Variants in TANGO6 observed in about 807,000 individuals in gnomAD.
TANGO6 encodes transport and Golgi organization protein 6 homolog.
Under a neutral mutation model 114.2 loss-of-function variants are expected in TANGO6, and 90 were observed. That is an observed-to-expected ratio of 0.79 (90% CI 0.66 to 0.94). The LOEUF (loss-of-function observed/expected upper bound fraction) is 0.94, where lower values mean the gene tolerates loss of function less well. Among genes scored for constraint, TANGO6 ranks in the 40% least tolerant of loss-of-function variants. TANGO6 has a pLI of 0.00. For missense variants in TANGO6, 1,274 were observed against 1,315.3 expected, an observed-to-expected ratio of 0.97 and a Z score of 0.49; for synonymous variants, 477 against 509.8, an observed-to-expected ratio of 0.94 and a Z score of 0.87.
chr16:69,074,006 C>A (rs1032890147), intron 17 of TANGO6, among the ~76,000 whole-genome samples: 1 of 151,660 alleles, frequency 6.6e-6, no homozygotes, highest in Admixed American at 6.6e-5. Flanking sequence ...AGAGTCAGGC[C>A]CCCGACCTAG....
At chr16:68,983,904 G>A (rs2152215940) in intron 15 of TANGO6, among the ~76,000 whole-genome samples, 1 of 152,100 alleles carries the variant, frequency 6.6e-6, no homozygotes, top group Admixed American at 6.5e-5. Flanking sequence ...GTGTTGGCGG[G>A]TGCCTGTTGT....
intron 17 of TANGO6, among the ~76,000 whole-genome samples, chr16:69,069,558 A>G (rs1045893872): frequency 6.6e-6 from 1 of 152,104 alleles, no homozygotes; most frequent in Non-Finnish European, 1.5e-5. Flanking sequence ...CTGCCAGGAC[A>G]ATCTCCAGCC....
At chr16:69,025,873 G>T in intron 16 of TANGO6, 2 of 238,012 alleles carry the variant, frequency 8.4e-6, no homozygotes, top group South Asian at 7.4e-5. Flanking sequence ...CTTTCTAGTG[G>T]AACCAAAGCC....
At chr16:68,882,388 T>C (rs925177114) in intron 7 of TANGO6, among the ~76,000 whole-genome samples, 1 of 151,638 alleles carries the variant, frequency 6.6e-6, no homozygotes, top group Non-Finnish European at 1.5e-5. Context: ...TCCCAGCTAC[T>C]CGGGAGGCTG....
chr16:68,967,732 T>C (rs780672187), intron 14 of TANGO6, among the ~76,000 whole-genome samples: 3 of 152,156 alleles, frequency 2.0e-5, no homozygotes, highest in Non-Finnish European at 4.4e-5. Flanking sequence ...TTGCTGTGGG[T>C]ATTTTGGGAA....
At chr16:68,868,705 G>A (rs1406678393) in intron 4 of TANGO6, among the ~76,000 whole-genome samples, 4 of 152,034 alleles carry the variant, frequency 2.6e-5, no homozygotes, top group African/African-American at 7.2e-5. Context: ...CACTGTGTTA[G>A]TCAGGATGGT....
At chr16:68,918,941 T>A in intron 11 of TANGO6, 144 bp from the exon 12 acceptor site, 1 of 959,660 alleles carries the variant, frequency 1.0e-6, no homozygotes, top group Non-Finnish European at 1.5e-6. Context: ...ACATCACATC[T>A]GCATGGTAAG....
chr16:69,031,024 C>A (rs924035956), intron 16 of TANGO6, among the ~76,000 whole-genome samples: 1 of 151,956 alleles, frequency 6.6e-6, no homozygotes, highest in Non-Finnish European at 1.5e-5. Context: ...CCACTACACT[C>A]CAGCCTGGCA....
chr16:69,064,715 C>T (rs192492229), intron 17 of TANGO6, among the ~76,000 whole-genome samples: 16 of 152,248 alleles, frequency 1.1e-4, no homozygotes, highest in South Asian at 2.1e-4. Context: ...CCTCCTGTGC[C>T]CTAATTCATA....
chr16:69,028,467 C>T (rs1369626344), intron 16 of TANGO6, among the ~76,000 whole-genome samples: 3 of 151,368 alleles, frequency 2.0e-5, no homozygotes, highest in Non-Finnish European at 4.4e-5. Context: ...CCCTCTCTAC[C>T]AAAAATACAA....
chr16:69,063,178 G>A (rs570952352), intron 17 of TANGO6, among the ~76,000 whole-genome samples: 7 of 150,018 alleles, frequency 4.7e-5, no homozygotes, highest in East Asian at 4.0e-4. Flanking sequence ...AGCCAAGATC[G>A]CGCCATTACC....
At chr16:68,902,806 C>T (rs1305089379) in intron 9 of TANGO6, among the ~76,000 whole-genome samples, 1 of 152,142 alleles carries the variant, frequency 6.6e-6, no homozygotes, top group Non-Finnish European at 1.5e-5. Context: ...ACATGTTCAC[C>T]CTTAACACCA....
intron 14 of TANGO6, among the ~76,000 whole-genome samples, chr16:68,935,016 A>T (rs1017332667): frequency 1.3e-5 from 2 of 152,226 alleles, no homozygotes. Flanking sequence ...GATGATGGAC[A>T]AGTTTGGACT....
chr16:69,041,910 C>T (rs1959779755), intron 17 of TANGO6, among the ~76,000 whole-genome samples: 2 of 152,144 alleles, frequency 1.3e-5, no homozygotes, highest in Non-Finnish European at 2.9e-5. Flanking sequence ...GTGGCCTTTG[C>T]CTCATGGCTA....
At chr16:68,979,717 A>C (rs1296875106) in intron 15 of TANGO6, among the ~76,000 whole-genome samples, 1 of 152,150 alleles carries the variant, frequency 6.6e-6, no homozygotes, top group Admixed American at 6.5e-5. Context: ...TATTCAATTG[A>C]TAAGGTTAAA....
At chr16:68,971,894 A>G (rs1458746163) in intron 14 of TANGO6, among the ~76,000 whole-genome samples, 1 of 152,070 alleles carries the variant, frequency 6.6e-6, no homozygotes, top group Admixed American at 6.6e-5. Flanking sequence ...CGGCCTCCCA[A>G]AATGTTGGGA....
intron 17 of TANGO6, among the ~76,000 whole-genome samples, chr16:69,046,851 A>T (rs1420169342): frequency 1.3e-5 from 2 of 152,118 alleles, no homozygotes; most frequent in Admixed American, 6.6e-5. Context: ...TAATGTGAAG[A>T]ACAGAGAGGA....
In TANGO6 at chr16:68,859,965, A is replaced by AT. The variant is rs1368592251; in HGVS notation, c.176_177insT (p.Lys60GlnfsTer17). The stretch of plus-strand genomic sequence containing the variant: ...AAATCTAACCTGTCTGCTTTGGAGG[A>AT]CAAGTTTCTGAAGGATCCTCAGTGG... On this transcript the variant is annotated frameshift_variant, in exon 2 of 18. Coordinates refer to ENST00000261778, the MANE Select transcript of TANGO6 (RefSeq NM_024562.2). LOFTEE classifies it high-confidence loss of function. 1 of 1,612,938 alleles carries AT rather than the reference A, an allele frequency of 6.2e-7. No individual in the cohort carries two copies. The highest frequency in any genetic ancestry group is 8.5e-7 in the Non-Finnish European group (1 of 1,179,052).
At chr16:69,023,153 A>G (rs1345262716) in intron 16 of TANGO6, among the ~76,000 whole-genome samples, 174 bp downstream of exon 16, 1 of 151,818 alleles carries the variant, frequency 6.6e-6, no homozygotes, top group Non-Finnish European at 1.5e-5. Flanking sequence ...TCACATGTAT[A>G]TTGAAAGTTA....
Sources: allele counts gnomAD v4.1 joint callset (sites outside exome capture counted in the v4.1 genomes callset), GRCh38; gene constraint gnomAD v4.1.1; transcripts MANE v1.5; gene names NCBI Gene and HGNC (gene_info 2026-07-23, HGNC 2026-07-21).